Variants in VAV2 observed in about 807,000 individuals in gnomAD.
VAV2 encodes the protein guanine nucleotide exchange factor VAV2.
A neutral mutation model predicts 132.5 loss-of-function variants in VAV2; 67 were observed. That is an observed-to-expected ratio of 0.51 (90% CI 0.42 to 0.62). The LOEUF (loss-of-function observed/expected upper bound fraction) is 0.62. Among genes scored for constraint, VAV2 ranks in the 20% least tolerant of loss-of-function variants. The probability of loss-of-function intolerance (pLI) is 0.00; values close to 1 mark genes in which losing one functional copy is unlikely to be tolerated. For synonymous variants in VAV2, 492 were observed against 443.5 expected, an observed-to-expected ratio of 1.11 and a Z score of -1.37; for missense variants, 938 against 1,153.6, an observed-to-expected ratio of 0.81 and a Z score of 2.71.
intron 2 of VAV2, among the ~76,000 whole-genome samples, chr9:133,933,272 C>A (rs1423108164): frequency 6.6e-6 from 1 of 152,280 alleles, no homozygotes; most frequent in Non-Finnish European, 1.5e-5. Flanking sequence ...TCTCTCCTAC[C>A]ATTAATTGCT....
At chr9:133,832,607 G>T (rs181044184) in intron 4 of VAV2, among the ~76,000 whole-genome samples, 1 of 152,074 alleles carries the variant, frequency 6.6e-6, no homozygotes, top group East Asian at 1.9e-4. Flanking sequence ...CGCCCAGGCT[G>T]GAGTGCAGTG....
chr9:133,914,625 G>GGGAGAGGA (rs1345599820), intron 2 of VAV2, among the ~76,000 whole-genome samples: 14 of 82,808 alleles, frequency 1.7e-4, no homozygotes, highest in South Asian at 1.5e-3. Context: ...AGAGAGGAGG[G>GGGAGAGGA]GGAGAGGAGG....
At position 133,938,521 on chromosome 9, in the gene VAV2, C is replaced by T. The variant is rs563937393; in HGVS notation, c.321+582G>A. Among the ~76,000 whole-genome samples the T allele has an allele frequency of 3.3e-5, 5 of 151,578 alleles. No individual in the cohort carries two copies. The South Asian group carries it at 1.0e-3, about 32-fold the overall frequency. On this transcript the variant is annotated intron_variant, in intron 2 of 29. Transcript: ENST00000371850. ...ACCAGCCCGGCTCCTGCATGCAGGA[C>T]TGGTGCCATGTGAGGCTTCCTGAGA...
At chr9:133,792,117 GGT>G (rs1291870766) in intron 12 of VAV2, among the ~76,000 whole-genome samples, 1 of 46,232 alleles carries the variant, frequency 2.2e-5, no homozygotes, top group Non-Finnish European at 4.2e-5. Flanking sequence ...TACTGTGTGG[GGT>G]GTGTGTGAGC....
intron 4 of VAV2, among the ~76,000 whole-genome samples, chr9:133,818,889 C>A (rs1331762688): frequency 1.3e-5 from 2 of 152,094 alleles, no homozygotes; most frequent in East Asian, 1.9e-4. Flanking sequence ...GGATTACAGG[C>A]ACTCACCATG....
chr9:133,840,075 G>A lies in VAV2; in HGVS notation c.381-5735C>T, dbSNP rs1836658197. 6.6e-6 allele frequency among the ~76,000 whole-genome samples: 1 copy of A among 152,104 alleles called. No individual in the cohort carries two copies. The highest frequency in any genetic ancestry group is 2.4e-5 in the African/African-American group (1 of 41,414). On this transcript the variant is annotated intron_variant, in intron 3 of 29. Coordinates refer to ENST00000371850, the MANE Select transcript of VAV2 (RefSeq NM_001134398.2). This position sits in a 1 kb window ranked among gnomAD's most constrained non-coding sequence, Gnocchi z 4.5. ...GTCCCCTACCCACACCTTGCCCTGTGGCGTTGCCTTGCTCGTTAAGAGCAG... is the reference window on the plus strand; with the variant it reads ...GTCCCCTACCCACACCTTGCCCTGTAGCGTTGCCTTGCTCGTTAAGAGCAG...
chr9:133,791,575 A>G (rs1834463709), intron 13 of VAV2, among the ~76,000 whole-genome samples: 1 of 137,810 alleles, frequency 7.3e-6, no homozygotes, highest in South Asian at 2.5e-4. Flanking sequence ...TCTTCAGTGC[A>G]CAGGGCACTT....
At chr9:133,876,357 T>C (rs977295556) in intron 2 of VAV2, among the ~76,000 whole-genome samples, 1 of 152,216 alleles carries the variant, frequency 6.6e-6, no homozygotes, top group Non-Finnish European at 1.5e-5. Flanking sequence ...GCAGAGGCGC[T>C]GTGGAGACAA....
chr9:133,852,944 T>C (rs1287694974), intron 3 of VAV2, among the ~76,000 whole-genome samples: 1 of 152,220 alleles, frequency 6.6e-6, no homozygotes, highest in African/African-American at 2.4e-5. Context: ...CACCATGCAC[T>C]TCCCGTGTGC....
At chr9:133,895,114 G>C (rs1839145372) in intron 2 of VAV2, among the ~76,000 whole-genome samples, 1 of 152,106 alleles carries the variant, frequency 6.6e-6, no homozygotes, top group African/African-American at 2.4e-5. Context: ...GCAGGAGAAT[G>C]ACACCAGCAC....
At chr9:133,817,717 C>T (rs981413590) in intron 4 of VAV2, among the ~76,000 whole-genome samples, 37 of 152,234 alleles carry the variant, frequency 2.4e-4, no homozygotes, top group Admixed American at 2.2e-3. Context: ...GCTGATCCAG[C>T]GAGTAGAGTG....
chr9:133,764,836 A>G (rs1009646676), intron 29 of VAV2, among the ~76,000 whole-genome samples: 4 of 152,238 alleles, frequency 2.6e-5, no homozygotes, highest in Non-Finnish European at 5.9e-5. Flanking sequence ...GAACAGACAC[A>G]CAGTCTGCAG....
At chr9:133,891,290 G>A (rs1325670135) in intron 2 of VAV2, among the ~76,000 whole-genome samples, 1 of 128,538 alleles carries the variant, frequency 7.8e-6, no homozygotes, top group East Asian at 2.4e-4. Context: ...GGGGAGGGAT[G>A]GAGGGAAGGG....
At chr9:133,816,753 C>T (rs1306160472) in intron 4 of VAV2, among the ~76,000 whole-genome samples, 1 of 152,158 alleles carries the variant, frequency 6.6e-6, no homozygotes, top group Non-Finnish European at 1.5e-5. Context: ...AACAAACAAA[C>T]AAAAACCTTA....
intron 4 of VAV2, among the ~76,000 whole-genome samples, chr9:133,813,119 T>C (rs189532179): frequency 1.3e-5 from 2 of 152,330 alleles, no homozygotes; most frequent in East Asian, 1.9e-4. Context: ...ACAGGCCCCG[T>C]TGGGGGCTCA....
At chr9:133,878,537 G>T (rs1046647331) in intron 2 of VAV2, among the ~76,000 whole-genome samples, 2 of 152,172 alleles carry the variant, frequency 1.3e-5, no homozygotes, top group Non-Finnish European at 2.9e-5. Context: ...CTGCCCCGCT[G>T]CAGTCACCAT....
In VAV2 at chr9:133,942,967, G is replaced by A. The variant is rs116980334; in HGVS notation, c.205-3748C>T. 5.2e-3 allele frequency among the ~76,000 whole-genome samples: 787 copies of A among 152,340 alleles called. 3 individuals are homozygous for A. Among genetic ancestry groups the A allele is most frequent in the South Asian group, 0.016 (78 of 4,830 alleles). On this transcript the variant is annotated intron_variant, in intron 1 of 29. Transcript: ENST00000371850. The stretch of plus-strand genomic sequence containing the variant: ...CCTCGAGGGAGGCCACACACGGCCC[G>A]GCCTCCCTTCAGGGAGCATTTCCTG...
At chr9:133,798,943 G>A (rs1354311303) in intron 9 of VAV2, among the ~76,000 whole-genome samples, 2 of 152,230 alleles carry the variant, frequency 1.3e-5, no homozygotes, top group East Asian at 3.9e-4. Context: ...GGCCCGGGAA[G>A]CCCAGGGCAG....
Position 133,992,093 on chromosome 9 carries a change from G to C in VAV2, c.186C>G (p.Phe62Leu), listed in dbSNP as rs774751146. Residue 62 changes from phenylalanine to leucine, a missense_variant, in exon 1 of 30, where the codon TTC becomes TTG. Phe to Leu is a conservative substitution (Grantham distance 22). Transcript: ENST00000371850. The surrounding 1 kb of genome is among the most constrained non-coding windows in gnomAD (Gnocchi z 5.5). ...PGSIDLKDIN[F>L]RPQMSQFLCL... ...CGCTCACCTGGGACATCTGCGGCCG[G>C]AAGTTGATGTCCTTGAGGTCGATGG... 78 of 1,581,284 alleles carry C rather than the reference G, an allele frequency of 4.9e-5. 2 individuals carry two copies. The South Asian group carries it at 8.9e-4, about 18-fold the overall frequency.
Sources: allele counts gnomAD v4.1 joint callset (sites outside exome capture counted in the v4.1 genomes callset), GRCh38; gene constraint gnomAD v4.1.1; non-coding constraint Gnocchi (gnomAD v3.1); transcripts MANE v1.5; gene names NCBI Gene and HGNC (gene_info 2026-07-23, HGNC 2026-07-21).